SASH1: variants seen among roughly 807,000 people sequenced by gnomAD.
SASH1 encodes the protein SAM and SH3 domain-containing protein 1.
A neutral mutation model predicts 125.2 loss-of-function variants in SASH1; 44 were observed. The ratio of observed to expected loss-of-function variants is 0.35; its 90% CI spans 0.28 to 0.45. The LOEUF (loss-of-function observed/expected upper bound fraction) is 0.45, where lower values mean the gene tolerates loss of function less well. Ranked by LOEUF, SASH1 falls within the 20% of genes least tolerant of loss-of-function variation. The probability of loss-of-function intolerance (pLI) is 1.00; values close to 1 mark genes in which losing one functional copy is unlikely to be tolerated. For missense variants in SASH1, 1,426 were observed against 1,614.5 expected (o/e 0.88, Z 2.00); for synonymous variants, 639 against 649.1 (o/e 0.98, Z 0.24).
chr6:148,432,717 G>A (rs896468485), intron 2 of SASH1, among the ~76,000 whole-genome samples: 4 of 152,338 alleles, frequency 2.6e-5, no homozygotes, highest in African/African-American at 9.6e-5. Context: ...AGTTCATTTG[G>A]CTTGCAGCCT....
At chr6:148,227,883 T>TGATC in the SASH1 span, among the ~76,000 whole-genome samples, 4 of 152,170 alleles carry the variant, frequency 2.6e-5, no homozygotes, top group African/African-American at 9.7e-5. Flanking sequence ...AGAAGAGGTT[T>TGATC]GATCATGTCA....
chr6:148,396,286 C>T (rs1225986233), intron 2 of SASH1, among the ~76,000 whole-genome samples: 1 of 151,824 alleles, frequency 6.6e-6, no homozygotes, highest in African/African-American at 2.4e-5. Flanking sequence ...CAAGACTAGC[C>T]TGGCTAACAT....
chr6:148,322,865 A>ACCTTTCTTTCTTTCTTTCTTTATT (rs1554234510), intron 1 of SASH1, among the ~76,000 whole-genome samples: 1 of 143,126 alleles, frequency 7.0e-6, no homozygotes, highest in Non-Finnish European at 1.5e-5. Flanking sequence ...CATCCAAATC[A>ACCTTTCTTTCTTTCTTTCTTTATT]TCTTTCTTTC....
At chr6:148,318,943 T>C (rs1399049377) in intron 1 of SASH1, among the ~76,000 whole-genome samples, 2 of 152,094 alleles carry the variant, frequency 1.3e-5, no homozygotes, top group South Asian at 2.1e-4. Context: ...TCTGTAGATA[T>C]TATTCCTTCA....
At position 148,496,440 on chromosome 6, in the gene SASH1, G is replaced by A. The variant is rs143316286; in HGVS notation, c.729+8725G>A. ...CTTGTTTGACTTGTAATATGACCAG[G>A]AGAAAGAAGAAACAAAACATAGCAA... On this transcript the variant is annotated intron_variant, in intron 8 of 19. Coordinates refer to ENST00000367467, the MANE Select transcript of SASH1 (RefSeq NM_015278.5). Among the ~76,000 whole-genome samples, 31 of 152,292 alleles carry A rather than the reference G, an allele frequency of 2.0e-4. No individual in the cohort carries two copies. The East Asian group carries it at 5.2e-3, about 26-fold the overall frequency.
chr6:148,241,376 A>G, the SASH1 span, among the ~76,000 whole-genome samples: 1 of 152,228 alleles, frequency 6.6e-6, no homozygotes, highest in Admixed American at 6.5e-5. Context: ...CCTCCAAGCA[A>G]GTGGGCACAT....
chr6:148,387,566 C>CCCTTTCTTTCTT, intron 1 of SASH1, among the ~76,000 whole-genome samples: 2 of 70,096 alleles, frequency 2.9e-5, no homozygotes, highest in East Asian at 8.3e-4. Flanking sequence ...TCTTTCTTTT[C>CCCTTTCTTTCTT]TCTTTCTTTC....
At chr6:148,207,232 G>A in the SASH1 span, among the ~76,000 whole-genome samples, 972 of 152,286 alleles carry the variant, frequency 6.4e-3, 5 homozygotes, top group African/African-American at 0.022. Flanking sequence ...ATTTGCCAGC[G>A]CAGTATACCC....
intron 1 of SASH1, among the ~76,000 whole-genome samples, chr6:148,301,827 G>A (rs1582937094): frequency 7.8e-6 from 1 of 128,588 alleles, no homozygotes; most frequent in Non-Finnish European, 1.7e-5. Context: ...GAACTTGTGA[G>A]CTCAAGCAAT....
chr6:148,342,287 G>A (rs1781349643), upstream of SASH1, among the ~76,000 whole-genome samples: 1 of 152,096 alleles, frequency 6.6e-6, no homozygotes, highest in South Asian at 2.1e-4. Flanking sequence ...TAATTCCTTG[G>A]GTCGCTTGAC....
upstream of SASH1, chr6:148,342,551 T>C (rs368376278): frequency 7.9e-5 from 12 of 152,292 alleles, no homozygotes; most frequent in East Asian, 5.8e-4. Context: ...AAACGCTTTC[T>C]TTAGCCTCGA....
chr6:148,321,578 AAAGT>A (rs1780634923), intron 1 of SASH1, among the ~76,000 whole-genome samples: 1 of 152,146 alleles, frequency 6.6e-6, no homozygotes, highest in African/African-American at 2.4e-5. Flanking sequence ...GCACTCTTTG[AAAGT>A]AATGGCAAAA....
At chr6:148,292,684 C>T (rs1440265269) in intron 1 of SASH1, among the ~76,000 whole-genome samples, 1 of 152,116 alleles carries the variant, frequency 6.6e-6, no homozygotes, top group Non-Finnish European at 1.5e-5. Flanking sequence ...AGCAAACTAG[C>T]ATCAGGGCAG....
chr6:148,257,478 G>A, the SASH1 span, among the ~76,000 whole-genome samples: 2 of 152,152 alleles, frequency 1.3e-5, no homozygotes, highest in African/African-American at 4.8e-5. Flanking sequence ...CCTGACTTCC[G>A]TCGCCAATTC....
the SASH1 span, among the ~76,000 whole-genome samples, chr6:148,225,004 G>A: frequency 6.6e-6 from 1 of 152,176 alleles, no homozygotes; most frequent in Non-Finnish European, 1.5e-5. Flanking sequence ...GGACCGCTGG[G>A]ATGGTTAGTG....
At chr6:148,420,965 C>A (rs1265700800) in intron 2 of SASH1, among the ~76,000 whole-genome samples, 2 of 151,854 alleles carry the variant, frequency 1.3e-5, no homozygotes, top group Non-Finnish European at 2.9e-5. Flanking sequence ...TGCCTGTAAT[C>A]CCAGCTACTC....
chr6:148,352,439 A>T (rs1243497475), intron 1 of SASH1, among the ~76,000 whole-genome samples: 2 of 151,994 alleles, frequency 1.3e-5, no homozygotes, highest in African/African-American at 2.4e-5. Context: ...TCTACCAAAA[A>T]TACAAAAATT....
intron 2 of SASH1, among the ~76,000 whole-genome samples, chr6:148,429,756 A>C (rs896108979): frequency 1.4e-5 from 2 of 144,398 alleles, no homozygotes; most frequent in Non-Finnish European, 3.0e-5. Flanking sequence ...AAAAAAAAAC[A>C]AAAACAAACA....
chr6:148,507,801 A>G, intron 8 of SASH1, among the ~76,000 whole-genome samples: 1 of 152,184 alleles, frequency 6.6e-6, no homozygotes, highest in Admixed American at 6.5e-5. Context: ...AGCATTATAC[A>G]TGAAGACTCA....
Sources: allele counts gnomAD v4.1 joint callset (sites outside exome capture counted in the v4.1 genomes callset), GRCh38; gene constraint gnomAD v4.1.1; transcripts MANE v1.5; gene names NCBI Gene and HGNC (gene_info 2026-07-23, HGNC 2026-07-21).